Variants in SGCZ observed in about 807,000 individuals in gnomAD.
SGCZ encodes the protein zeta-sarcoglycan.
Under a neutral mutation model 41.3 loss-of-function variants are expected in SGCZ, and 40 were observed. The ratio of observed to expected loss-of-function variants is 0.97; its 90% CI spans 0.75 to 1.26. SGCZ has a LOEUF of 1.26. Among genes scored for constraint, SGCZ ranks in the 50% most tolerant of loss-of-function variants. The pLI, the probability that SGCZ is intolerant of heterozygous loss-of-function variation, is 0.00. For synonymous variants in SGCZ, 206 were observed against 137.5 expected, an observed-to-expected ratio of 1.50 and a Z score of -3.49; for missense variants, 552 against 369.8, an observed-to-expected ratio of 1.49 and a Z score of -4.04.
At chr8:14,780,386 A>AG (rs1020616738) in intron 1 of SGCZ, among the ~76,000 whole-genome samples, 3 of 151,454 alleles carry the variant, frequency 2.0e-5, no homozygotes, top group Admixed American at 6.6e-5. Flanking sequence ...AAAAAAAAAA[A>AG]AAAAGAAAAG....
intron 2 of SGCZ, among the ~76,000 whole-genome samples, chr8:14,462,369 T>C (rs1338028083): frequency 6.6e-6 from 1 of 152,048 alleles, no homozygotes; most frequent in Non-Finnish European, 1.5e-5. Context: ...ATTTACTATC[T>C]TAAATATTTT....
chr8:14,917,731 T>C (rs1424160114), intron 1 of SGCZ, among the ~76,000 whole-genome samples: 2 of 152,154 alleles, frequency 1.3e-5, no homozygotes, highest in Non-Finnish European at 2.9e-5. Context: ...TCAAAGCTAG[T>C]ATTTTTCTCC....
At chr8:15,066,159 T>G (rs1805134453) in intron 1 of SGCZ, among the ~76,000 whole-genome samples, 1 of 151,604 alleles carries the variant, frequency 6.6e-6, no homozygotes, top group South Asian at 2.1e-4. Context: ...ATACAAAAAA[T>G]TAGCCGGGCG....
intron 1 of SGCZ, among the ~76,000 whole-genome samples, chr8:14,931,555 C>A (rs926399611): frequency 5.3e-5 from 8 of 151,938 alleles, no homozygotes; most frequent in South Asian, 4.1e-4. Context: ...TTTTTAGCAA[C>A]CTGGCTTTTG....
chr8:14,994,376 G>C (rs1035126416), intron 1 of SGCZ, among the ~76,000 whole-genome samples: 1 of 152,128 alleles, frequency 6.6e-6, no homozygotes, highest in Non-Finnish European at 1.5e-5. Flanking sequence ...CTGAGCTCAG[G>C]AGTTCGAAAC....
At chr8:14,462,693 C>G (rs951479054) in intron 2 of SGCZ, among the ~76,000 whole-genome samples, 1 of 151,726 alleles carries the variant, frequency 6.6e-6, no homozygotes, top group African/African-American at 2.4e-5. Context: ...CTTGATTGTG[C>G]TCTTTGGGGT....
At chr8:15,206,452 C>CTTTTTTTT (rs3069943) in intron 1 of SGCZ, among the ~76,000 whole-genome samples, 2 of 144,378 alleles carry the variant, frequency 1.4e-5, no homozygotes. Context: ...TCTGGGGAGT[C>CTTTTTTTT]TTTTTTTTTT....
At chr8:14,616,068 G>T (rs926967946) in intron 1 of SGCZ, among the ~76,000 whole-genome samples, 1 of 152,058 alleles carries the variant, frequency 6.6e-6, no homozygotes, top group Non-Finnish European at 1.5e-5. Flanking sequence ...CAGATCACGA[G>T]GTCAAGAGAT....
intron 1 of SGCZ, among the ~76,000 whole-genome samples, chr8:14,646,801 CT>C (rs10716801): frequency 0.11 from 16,352 of 151,568 alleles, 1,074 homozygotes; most frequent in African/African-American, 0.19. Flanking sequence ...ATTCAAAACA[CT>C]TTTTTTTGGC....
intron 1 of SGCZ, among the ~76,000 whole-genome samples, chr8:14,898,391 G>A (rs895782553): frequency 6.6e-6 from 1 of 152,192 alleles, no homozygotes; most frequent in African/African-American, 2.4e-5. Flanking sequence ...TGAACCTCTG[G>A]GTGTGATGGG....
At chr8:14,684,664 T>G (rs927541230) in intron 1 of SGCZ, among the ~76,000 whole-genome samples, 6 of 151,440 alleles carry the variant, frequency 4.0e-5, no homozygotes, top group Non-Finnish European at 7.4e-5. Context: ...AATCTGAGGC[T>G]GAAATAGTTT....
intron 2 of SGCZ, among the ~76,000 whole-genome samples, chr8:14,330,579 CTG>C (rs1471604271): frequency 2.0e-5 from 3 of 151,744 alleles, no homozygotes; most frequent in Admixed American, 1.3e-4. Context: ...TTTAAAGTGA[CTG>C]TTTAAATTTT....
intron 1 of SGCZ, among the ~76,000 whole-genome samples, chr8:14,917,150 C>A (rs1799461055): frequency 6.6e-6 from 1 of 152,066 alleles, no homozygotes; most frequent in Non-Finnish European, 1.5e-5. Flanking sequence ...GTAAATTCCC[C>A]AGGGCCTGAA....
chr8:14,930,757 G>A (rs1429542425), intron 1 of SGCZ, among the ~76,000 whole-genome samples: 3 of 151,948 alleles, frequency 2.0e-5, no homozygotes, highest in Admixed American at 6.6e-5. Context: ...AACACCCCAT[G>A]TTCTCATTCA....
intron 1 of SGCZ, among the ~76,000 whole-genome samples, chr8:15,156,920 G>C (rs1799347816): frequency 6.7e-6 from 1 of 149,306 alleles, no homozygotes; most frequent in Non-Finnish European, 1.5e-5. Context: ...ACTCCGCCTG[G>C]GCAACAAGAG....
intron 3 of SGCZ, among the ~76,000 whole-genome samples, chr8:14,323,565 C>A (rs754872056): frequency 6.6e-6 from 1 of 152,002 alleles, no homozygotes; most frequent in African/African-American, 2.4e-5. Context: ...TTTTAGCATG[C>A]TTCTAAGAGA....
rs866032275 is a variant in SGCZ at position 15,152,981 on chromosome 8, T to C, written c.39+84604A>G. On this transcript the variant is annotated intron_variant, in intron 1 of 7. Coordinates refer to ENST00000382080, the MANE Select transcript of SGCZ (RefSeq NM_139167.4). ...TGACCCGCTTTGGACTCTCCAAGCCTCAAAGAAATCAGAGGTTATTATGAA... is the reference window on the plus strand; with the variant it reads ...TGACCCGCTTTGGACTCTCCAAGCCCCAAAGAAATCAGAGGTTATTATGAA... Among the ~76,000 whole-genome samples, 6 of 152,166 alleles carry C rather than the reference T, an allele frequency of 3.9e-5. No homozygotes were observed. In the South Asian group the frequency reaches 1.0e-3, roughly 26 times the overall value.
chr8:15,135,656 G>T (rs1003830554), intron 1 of SGCZ, among the ~76,000 whole-genome samples: 4 of 152,156 alleles, frequency 2.6e-5, no homozygotes, highest in African/African-American at 7.2e-5. Context: ...TTTGATTAAG[G>T]TAAGTAAGCA....
chr8:14,389,268 G>C (rs1804676558), intron 2 of SGCZ, among the ~76,000 whole-genome samples: 1 of 151,778 alleles, frequency 6.6e-6, no homozygotes, highest in African/African-American at 2.4e-5. Flanking sequence ...AAAGTTTCCA[G>C]TAAGAGTGTA....
Sources: gnomAD v4.1 joint callset for allele counts (sites outside exome capture counted in the v4.1 genomes callset) on GRCh38, gnomAD v4.1.1 for gene constraint, MANE v1.5 for transcripts, NCBI Gene and HGNC (gene_info 2026-07-23, HGNC 2026-07-21) for gene names.